Variants in ZNF564 observed in about 807,000 individuals in gnomAD.
ZNF564 encodes zinc finger protein 564.
Under a neutral mutation model 10.5 loss-of-function variants are expected in ZNF564, and 5 were observed. That is an observed-to-expected ratio of 0.48 (90% CI 0.25 to 1.00). The LOEUF is 1.00. Among genes scored for constraint, ZNF564 ranks in the 50% least tolerant of loss-of-function variants. The probability of loss-of-function intolerance (pLI) is 0.16; values close to 1 mark genes in which losing one functional copy is unlikely to be tolerated. For missense variants in ZNF564, 603 were observed against 669.7 expected (o/e 0.90, Z 1.10); for synonymous variants, 242 against 218.1 (o/e 1.11, Z -0.97).
rs374347042 is a variant in ZNF564 at position 12,527,485 on chromosome 19, C to T, written c.623G>A (p.Arg208His). Residue 208 changes from arginine to histidine, a missense_variant, in exon 4 of 4, where the codon CGC becomes CAC. By Grantham distance (29) the Arg-to-His change is conservative (BLOSUM62 0). Transcript: ENST00000339282. ...KCQECGKAFD[R>H]PSLFQIHERT... Reference sequence around the variant, plus strand: ...TTCATGTATCTGAAATAAACTTGGGCGATCAAAGGCTTTCCCACATTCCTG... The same window carrying T: ...TTCATGTATCTGAAATAAACTTGGGTGATCAAAGGCTTTCCCACATTCCTG... The T allele has an allele frequency of 3.3e-5, 54 of 1,613,744 alleles. No homozygotes were observed. The highest frequency in any genetic ancestry group is 3.3e-4 in the Middle Eastern group (2 of 6,084).
At chr19:12,531,492 G>C (rs2021799817) in intron 1 of ZNF564, among the ~76,000 whole-genome samples, 1 of 152,006 alleles carries the variant, frequency 6.6e-6, no homozygotes, top group South Asian at 2.1e-4. Context: ...ACTTGAACCT[G>C]GGAGGTGGAA....
In ZNF564 at chr19:12,526,555, C is replaced by G. The variant is rs368895280; in HGVS notation, c.1553G>C (p.Ser518Thr). 7 of 1,613,998 alleles carry G rather than the reference C, an allele frequency of 4.3e-6. No homozygotes were observed. The highest frequency in any genetic ancestry group is 1.7e-5 in the Admixed American group (1 of 59,998). The change falls in exon 4 of 4, where the codon AGT becomes ACT. Residue 518 changes from serine (S) to threonine (T), a missense_variant. Physicochemically the swap from Ser to Thr is moderately conservative, Grantham distance 58. Coordinates refer to ENST00000339282, the MANE Select transcript of ZNF564 (RefSeq NM_144976.4). ...AGCTCTTTCATGTCTTTGAAAGGAA[C>G]TGGAATAACTGAACGTTTTTCCACA... ...KQCGKTFSYS[S>T]SFQRHERAHN...
At chr19:12,547,140 GCTCACTGGAGC>G (rs1236996214) in intron 1 of ZNF564, among the ~76,000 whole-genome samples, 2 of 152,172 alleles carry the variant, frequency 1.3e-5, no homozygotes, top group Non-Finnish European at 2.9e-5. Flanking sequence ...CAGAATCATT[GCTCACTGGAGC>G]CTTGATCTTC....
intron 1 of ZNF564, among the ~76,000 whole-genome samples, chr19:12,545,131 G>C (rs977125346): frequency 6.6e-6 from 1 of 151,942 alleles, no homozygotes; most frequent in Non-Finnish European, 1.5e-5. Context: ...GCGTGGTGGC[G>C]CATGCCTATA....
chr19:12,545,262 C>CAAAAA (rs534783270), intron 1 of ZNF564, among the ~76,000 whole-genome samples: 13 of 57,390 alleles, frequency 2.3e-4, no homozygotes, highest in African/African-American at 3.0e-4. Flanking sequence ...AATTCCGTCT[C>CAAAAA]AAAAAAAAAA....
At chr19:12,532,412 G>A (rs1321497036) in intron 1 of ZNF564, among the ~76,000 whole-genome samples, 1 of 150,390 alleles carries the variant, frequency 6.6e-6, no homozygotes, top group Non-Finnish European at 1.5e-5. Flanking sequence ...GCAGGCGCCT[G>A]TAGTCCCAGC....
intron 1 of ZNF564, among the ~76,000 whole-genome samples, chr19:12,534,843 A>G: frequency 6.6e-6 from 1 of 152,056 alleles, no homozygotes; most frequent in East Asian, 1.9e-4. Context: ...CATACTCAAC[A>G]TATAACCTAA....
In ZNF564 at chr19:12,526,685, T is replaced by C. The variant is rs770194951; in HGVS notation, c.1423A>G (p.Lys475Glu). The change falls in exon 4 of 4, where the codon AAA becomes GAA. Residue 475 changes from lysine (K) to glutamate (E), a missense_variant. Lys to Glu is a moderately conservative substitution (Grantham distance 56, BLOSUM62 1). Coordinates refer to ENST00000339282, the MANE Select transcript of ZNF564 (RefSeq NM_144976.4). Reference sequence around the variant, plus strand: ...CCACATTCTTTACATTCATAGGGTTTTTCTCCAGTATGAGTTCTTTCATGT... The same window carrying C: ...CCACATTCTTTACATTCATAGGGTTCTTCTCCAGTATGAGTTCTTTCATGT... ...RTHERTHTGE[K>E]PYECKECGKA... The C allele has an allele frequency of 6.2e-7, 1 of 1,614,198 alleles. No homozygotes were observed. Among genetic ancestry groups the C allele is most frequent in the Non-Finnish European group, 8.5e-7 (1 of 1,180,036 alleles).
At chr19:12,539,750 C>G (rs149518541) in intron 1 of ZNF564, among the ~76,000 whole-genome samples, 2 of 149,104 alleles carry the variant, frequency 1.3e-5, no homozygotes, top group Admixed American at 6.7e-5. Context: ...CTGAGGTGGG[C>G]GGATCACAAG....
At position 12,533,727 on chromosome 19, in the gene ZNF564, C is replaced by CAAAAAAAA. The variant is rs59631972; in HGVS notation, c.4-5039_4-5032dup. 3.2e-3 allele frequency among the ~76,000 whole-genome samples: 93 copies of CAAAAAAAA among 29,166 alleles called. 17 individuals are homozygous for CAAAAAAAA. The highest frequency in any genetic ancestry group is 0.015 in the African/African-American group (87 of 5,838). 19.1% of individuals were successfully genotyped at this position (29,166 alleles called of 152,430 possible). A position where few individuals can be genotyped will look rare whatever the true frequency, so the allele number is the denominator to read the frequency against. On this transcript the variant is annotated intron_variant, in intron 1 of 3. Coordinates refer to ENST00000339282, the MANE Select transcript of ZNF564 (RefSeq NM_144976.4). ...GGGCGACACAGCAGGCTGCTGTCTC[C>CAAAAAAAA]AAAAAAAAAAAAAAAAAAAAAAACA...
chr19:12,538,966 G>A (rs529723056), intron 1 of ZNF564, among the ~76,000 whole-genome samples: 97 of 150,024 alleles, frequency 6.5e-4, no homozygotes, highest in Non-Finnish European at 1.2e-3. Context: ...GGTGGCTCAC[G>A]TCTGTAATCC....
intron 1 of ZNF564, among the ~76,000 whole-genome samples, chr19:12,545,376 G>T (rs1229240023): frequency 6.6e-6 from 1 of 151,726 alleles, no homozygotes; most frequent in Admixed American, 6.6e-5. Context: ...CCAGTGACCA[G>T]ATGTTTACCT....
At chr19:12,542,294 G>C (rs1161461269) in intron 1 of ZNF564, among the ~76,000 whole-genome samples, 1 of 120,402 alleles carries the variant, frequency 8.3e-6, no homozygotes, top group Non-Finnish European at 1.6e-5. Flanking sequence ...GGGTAACAGA[G>C]TGAGACTCTG....
At chr19:12,542,572 G>C (rs2022077007) in intron 1 of ZNF564, among the ~76,000 whole-genome samples, 2 of 151,316 alleles carry the variant, frequency 1.3e-5, no homozygotes, top group Admixed American at 1.3e-4. Context: ...AGTGAGCTAT[G>C]ATCACGCCAG....
chr19:12,528,360 T>A lies in ZNF564; in HGVS notation c.135A>T (p.Lys45Asn). ...ETFRNLACVG[K>N]KWEDQSIEDW... ...CTTCAATGCTCTGGTCTTCCCATTT[T>A]TTTCCTAAAATATAGTCAGAAAAAA... is the stretch of plus-strand genomic sequence containing the variant. Residue 45 changes from lysine (K) to asparagine (N), a missense_variant, in exon 3 of 4, where the codon AAA becomes AAT. Physicochemically the swap from Lys to Asn is moderately conservative, Grantham distance 94. Coordinates refer to ENST00000339282, the MANE Select transcript of ZNF564 (RefSeq NM_144976.4). 6.2e-7 allele frequency: 1 copy of A among 1,605,178 alleles called. No individual in the cohort carries two copies. The highest frequency in any genetic ancestry group is 1.7e-4 in the Middle Eastern group (1 of 6,032).
chr19:12,544,166 G>A (rs1045490725), intron 1 of ZNF564, among the ~76,000 whole-genome samples: 1 of 152,104 alleles, frequency 6.6e-6, no homozygotes, highest in South Asian at 2.1e-4. Context: ...ATACATCAGG[G>A]TTATGAAATA....
At chr19:12,543,144 A>G (rs1311013992) in intron 1 of ZNF564, among the ~76,000 whole-genome samples, 3 of 151,614 alleles carry the variant, frequency 2.0e-5, no homozygotes, top group African/African-American at 4.9e-5. Flanking sequence ...TTGTAAAAAT[A>G]CAAAAAAATT....
chr19:12,545,025 A>G (rs2022123204), intron 1 of ZNF564, among the ~76,000 whole-genome samples: 1 of 152,008 alleles, frequency 6.6e-6, no homozygotes, highest in African/African-American at 2.4e-5. Flanking sequence ...TTGGGAGGCC[A>G]AGGCGGGTGG....
chr19:12,529,682 T>A (rs2021762692), intron 1 of ZNF564: 1 of 151,624 alleles, frequency 6.6e-6, no homozygotes, highest in Non-Finnish European at 1.5e-5. Context: ...CCAATCAGCA[T>A]TCCATGAAAC....
Sources: allele counts gnomAD v4.1 joint callset (sites outside exome capture counted in the v4.1 genomes callset), GRCh38; gene constraint gnomAD v4.1.1; transcripts MANE v1.5; gene names NCBI Gene and HGNC (gene_info 2026-07-23, HGNC 2026-07-21).